The following FGF12 variants were observed in gnomAD, a reference collection of about 807,000 sequenced individuals.
FGF12 encodes fibroblast growth factor 12B.
A neutral mutation model predicts 23.6 loss-of-function variants in FGF12; 14 were observed. That is an observed-to-expected ratio of 0.59 (90% confidence interval 0.39 to 0.93). The LOEUF is 0.93. Ranked by LOEUF, FGF12 falls within the 40% of genes least tolerant of loss-of-function variation. The probability of loss-of-function intolerance (pLI) is 0.00; values close to 1 mark genes in which losing one functional copy is unlikely to be tolerated. For synonymous variants in FGF12, 62 were observed against 77.3 expected (o/e 0.80, Z 1.04); for missense variants, 175 against 217.8 (o/e 0.80, Z 1.24).
chr3:192,377,473 C>G (rs1719573828), intron 2 of FGF12, among the ~76,000 whole-genome samples: 1 of 152,188 alleles, frequency 6.6e-6, no homozygotes, highest in South Asian at 2.1e-4. Flanking sequence ...GCAGATTCAC[C>G]TATTTTAAGT....
chr3:192,198,002 A>G (rs978415791), intron 4 of FGF12, among the ~76,000 whole-genome samples: 2 of 151,512 alleles, frequency 1.3e-5, no homozygotes, highest in Non-Finnish European at 2.9e-5. Context: ...GCCAAACTAC[A>G]AAGCCAACTT....
intron 2 of FGF12, among the ~76,000 whole-genome samples, chr3:192,491,719 T>G (rs1449880575): frequency 6.6e-6 from 1 of 152,164 alleles, no homozygotes; most frequent in Non-Finnish European, 1.5e-5. Flanking sequence ...CTCCATCGTC[T>G]TCCAGTAGTA....
chr3:192,540,184 G>A (rs895536368), intron 2 of FGF12, among the ~76,000 whole-genome samples: 1 of 151,286 alleles, frequency 6.6e-6, no homozygotes, highest in Non-Finnish European at 1.5e-5. Flanking sequence ...TACTAATTTC[G>A]GGTTTGTTTT....
chr3:192,197,346 A>G (rs1372358311), intron 4 of FGF12, among the ~76,000 whole-genome samples: 2 of 152,204 alleles, frequency 1.3e-5, no homozygotes, highest in African/African-American at 4.8e-5. Flanking sequence ...GATGTTTAAT[A>G]TTCAGTGTGA....
intron 4 of FGF12, among the ~76,000 whole-genome samples, chr3:192,305,430 A>G (rs947330403): frequency 4.0e-5 from 6 of 151,866 alleles, no homozygotes; most frequent in Non-Finnish European, 5.9e-5. Context: ...CCCTTTCTCT[A>G]TATACCTCCC....
chr3:192,167,787 TTTTTTTG>T, intron 5 of FGF12, among the ~76,000 whole-genome samples: 1 of 115,074 alleles, frequency 8.7e-6, no homozygotes, highest in Non-Finnish European at 1.8e-5. Context: ...TTTTTTTTTT[TTTTTTTG>T]AGAAAGAATC....
chr3:192,611,643 G>A (rs1714554298), intron 2 of FGF12, among the ~76,000 whole-genome samples: 1 of 151,918 alleles, frequency 6.6e-6, no homozygotes, highest in South Asian at 2.1e-4. Context: ...TCAGAAAGAA[G>A]AACAGAGGAA....
chr3:192,673,660 T>C (rs1282342325), intron 2 of FGF12, among the ~76,000 whole-genome samples: 1 of 151,146 alleles, frequency 6.6e-6, no homozygotes, highest in Non-Finnish European at 1.5e-5. Context: ...GTTCCTGTGA[T>C]AGTCTGCTGA....
At chr3:192,233,330 G>C (rs558501125) in intron 4 of FGF12, among the ~76,000 whole-genome samples, 2 of 152,200 alleles carry the variant, frequency 1.3e-5, no homozygotes, top group African/African-American at 4.8e-5. Flanking sequence ...TCATATGCTT[G>C]TTGGCCATGT....
intron 4 of FGF12, among the ~76,000 whole-genome samples, chr3:192,315,577 C>G (rs11914681): frequency 0.038 from 5,710 of 152,074 alleles, 347 homozygotes; most frequent in African/African-American, 0.13. Flanking sequence ...AGTTGAAAAA[C>G]CAGGTCATCC....
At chr3:192,708,026 C>T (rs1276603245) in intron 2 of FGF12, among the ~76,000 whole-genome samples, 1 of 152,146 alleles carries the variant, frequency 6.6e-6, no homozygotes, top group Non-Finnish European at 1.5e-5. Flanking sequence ...GTGGCGCGAT[C>T]TCGGCTCACT....
At chr3:192,516,646 C>T (rs1197726227) in intron 2 of FGF12, 1 of 152,222 alleles carries the variant, frequency 6.6e-6, no homozygotes, top group Non-Finnish European at 1.5e-5. Context: ...ACCCTCTTAG[C>T]TCCTTTCAAA....
At chr3:192,369,615 T>G (rs1439643559) in intron 2 of FGF12, among the ~76,000 whole-genome samples, 1 of 152,240 alleles carries the variant, frequency 6.6e-6, no homozygotes, top group African/African-American at 2.4e-5. Flanking sequence ...GTTTTTGTAC[T>G]GAGCCAGTTT....
chr3:192,709,039 GACA>G (rs1718579642), intron 2 of FGF12, among the ~76,000 whole-genome samples: 1 of 152,154 alleles, frequency 6.6e-6, no homozygotes, highest in South Asian at 2.1e-4. Context: ...GTTCACTGAA[GACA>G]ACATTGTCTG....
At chr3:192,295,034 T>C (rs1714955361) in intron 4 of FGF12, among the ~76,000 whole-genome samples, 2 of 152,302 alleles carry the variant, frequency 1.3e-5, no homozygotes, top group South Asian at 4.1e-4. Flanking sequence ...GTAAACATAT[T>C]GTTTCTAGTG....
chr3:192,350,845 C>T (rs1577378616), intron 3 of FGF12, among the ~76,000 whole-genome samples: 5 of 152,122 alleles, frequency 3.3e-5, no homozygotes, highest in South Asian at 2.1e-4. Flanking sequence ...GAGTTTATTT[C>T]GTTTTATCTT....
At chr3:192,603,955 T>A (rs1412082379) in intron 2 of FGF12, among the ~76,000 whole-genome samples, 1 of 152,140 alleles carries the variant, frequency 6.6e-6, no homozygotes, top group Non-Finnish European at 1.5e-5. Flanking sequence ...ATCTCAGTCC[T>A]TATCTCAACC....
At chr3:192,693,063 C>A (rs1405901717) in intron 2 of FGF12, among the ~76,000 whole-genome samples, 1 of 151,670 alleles carries the variant, frequency 6.6e-6, no homozygotes, top group African/African-American at 2.4e-5. Context: ...AAAGACTTCA[C>A]AACAAACTCT....
At chr3:192,400,379 T>TTC (rs1374976790) in intron 2 of FGF12, among the ~76,000 whole-genome samples, 1 of 150,282 alleles carries the variant, frequency 6.7e-6, no homozygotes, top group East Asian at 1.9e-4. Flanking sequence ...CTTTTTTTTT[T>TTC]TTTTTTTGAG....
Sources: gnomAD v4.1 joint callset for allele counts (sites outside exome capture counted in the v4.1 genomes callset) on GRCh38, gnomAD v4.1.1 for gene constraint, MANE v1.5 for transcripts, NCBI Gene and HGNC (gene_info 2026-07-23, HGNC 2026-07-21) for gene names.